AJAP1: variants seen among roughly 807,000 people sequenced by gnomAD.
The protein encoded by AJAP1 is adherens junctions associated protein 1.
A neutral mutation model predicts 35.0 loss-of-function variants in AJAP1; 5 were observed. That is an observed-to-expected ratio of 0.14 (90% CI 0.07 to 0.30). The LOEUF is 0.30. Ranked by LOEUF, AJAP1 falls within the 10% of genes least tolerant of loss-of-function variation. The pLI is 1.00. For synonymous variants in AJAP1, 284 were observed against 249.3 expected (o/e 1.14, Z -1.31); for missense variants, 586 against 571.0 (o/e 1.03, Z -0.27).
intron 1 of AJAP1, among the ~76,000 whole-genome samples, chr1:4,680,459 C>A (rs747795043): frequency 5.9e-5 from 9 of 152,180 alleles, no homozygotes; most frequent in Non-Finnish European, 1.2e-4. Context: ...GGACACAATT[C>A]CACCCAGTTA....
chr1:4,765,753 T>A (rs1476255106), intron 2 of AJAP1, among the ~76,000 whole-genome samples: 1 of 152,210 alleles, frequency 6.6e-6, no homozygotes, highest in Non-Finnish European at 1.5e-5. Context: ...TGAGTTTTGA[T>A]TTCCAAAAAT....
At chr1:4,759,807 G>T (rs571249492) in intron 2 of AJAP1, among the ~76,000 whole-genome samples, 1 of 152,254 alleles carries the variant, frequency 6.6e-6, no homozygotes, top group South Asian at 2.1e-4. Flanking sequence ...AGTGGGTGCG[G>T]TGGTGCTGGT....
At chr1:4,747,333 C>T (rs138312805) in intron 2 of AJAP1, among the ~76,000 whole-genome samples, 1 of 152,228 alleles carries the variant, frequency 6.6e-6, no homozygotes, top group South Asian at 2.1e-4. Context: ...GCCATCCCCC[C>T]TCTCCACCTC....
chr1:4,772,488 A>T lies in AJAP1; in HGVS notation c.1126A>T (p.Thr376Ser), dbSNP rs368367088. The change falls in exon 4 of 6, where the codon ACG (threonine) becomes TCG (serine). Residue 376 changes from threonine (T) to serine (S), a missense_variant. Physicochemically the swap from Thr to Ser is moderately conservative, Grantham distance 58. Transcript: ENST00000378191. ...PVYTDETLHSTTGEYKSTFNG... is the reference protein window; with the variant it reads ...PVYTDETLHSSTGEYKSTFNG... Reference sequence around the variant, plus strand: ...GTACACCGATGAGACGCTGCACTCGACGACGGGGGAGTACAAATCCACATT... The same window carrying T: ...GTACACCGATGAGACGCTGCACTCGTCGACGGGGGAGTACAAATCCACATT... The T allele has an allele frequency of 3.1e-6, 5 of 1,614,200 alleles. No individual in the cohort carries two copies. Among genetic ancestry groups the T allele is most frequent in the East Asian group, 4.5e-5 (2 of 44,882 alleles).
At position 4,692,228 on chromosome 1, in the gene AJAP1, TGCTGCCTCCCGCC is replaced by T. The variant is rs1386048739; in HGVS notation, c.30-19658_30-19646del. ...CTCACTGTGCCAGGCAGGCTCCTGC[TGCTGCCTCCCGCC>T]GCTGCCTCCCGCCACCAGGACAGGG... On this transcript the variant is annotated intron_variant, in intron 1 of 5. Coordinates refer to ENST00000378191, the MANE Select transcript of AJAP1 (RefSeq NM_018836.4). The surrounding 1 kb of genome is among the most constrained non-coding windows in gnomAD (Gnocchi z 4.4). 3.3e-5 allele frequency among the ~76,000 whole-genome samples: 5 copies of T among 152,126 alleles called. No homozygotes were observed. The highest frequency in any genetic ancestry group is 6.5e-5 in the Admixed American group (1 of 15,280).
rs535244253 is a variant in AJAP1 at position 4,783,114 on chromosome 1, G to A, written c.*629G>A. On this transcript the variant is annotated 3_prime_UTR_variant, in exon 6 of 6. Transcript: ENST00000378191. ...GTTCCTTTTTAAAAAAAAGAATTGT[G>A]TTATAGGTTACAAAATCTGATTTAT... The A allele has an allele frequency of 3.1e-6, 1 of 326,394 alleles. No homozygotes were observed. Among genetic ancestry groups the A allele is most frequent in the East Asian group, 4.7e-5 (1 of 21,428 alleles). 20.2% of individuals were successfully genotyped at this position (326,394 alleles called of 1,614,324 possible).
intron 1 of AJAP1, among the ~76,000 whole-genome samples, chr1:4,705,995 T>A (rs1640092502): frequency 6.6e-6 from 1 of 152,204 alleles, no homozygotes; most frequent in Non-Finnish European, 1.5e-5. Flanking sequence ...TCCCAGCAAC[T>A]CTCTGGGCTC....
chr1:4,661,841 G>A (rs777818141), intron 1 of AJAP1, among the ~76,000 whole-genome samples: 13 of 152,158 alleles, frequency 8.5e-5, no homozygotes, highest in Admixed American at 2.0e-4. Context: ...TTAATGAAAC[G>A]TCATGGGGAG....
At chr1:4,781,441 C>T (rs1642061467) in intron 5 of AJAP1, among the ~76,000 whole-genome samples, 1 of 152,180 alleles carries the variant, frequency 6.6e-6, no homozygotes. Context: ...TGCTAAGCTC[C>T]AACGATGACG....
intron 3 of AJAP1, among the ~76,000 whole-genome samples, chr1:4,770,826 G>A (rs1415954881): frequency 6.6e-6 from 1 of 152,174 alleles, no homozygotes; most frequent in Non-Finnish European, 1.5e-5. Flanking sequence ...GAGGGTGGGG[G>A]TAGCACAGCC....
intron 1 of AJAP1, among the ~76,000 whole-genome samples, chr1:4,709,624 G>A (rs1640181109): frequency 3.3e-5 from 5 of 152,188 alleles, no homozygotes. Flanking sequence ...TGGGTCACCT[G>A]CAGCCACAGA....
In AJAP1 at chr1:4,712,575, G is replaced by A. The variant is rs763716750; in HGVS notation, c.705G>A (p.Gly235=). 3 of 1,610,062 alleles carry A rather than the reference G, an allele frequency of 1.9e-6. No individual in the cohort carries two copies. The highest frequency in any genetic ancestry group is 2.7e-5 in the African/African-American group (2 of 74,858). ...CCCCCATGACGCTGCAGACTAAGGG[G>A]TTCACCGAGTCCTTGGATCCCCGGA... ...TATPMTLQTK[G]FTESLDPRRR... Residue 235 remains glycine, a synonymous_variant, in exon 2 of 6, where the codon GGG becomes GGA. Coordinates refer to ENST00000378191, the MANE Select transcript of AJAP1 (RefSeq NM_018836.4).
rs1478263955 is a variant in AJAP1 at position 4,690,132 on chromosome 1, C to T, written c.30-21768C>T. On this transcript the variant is annotated intron_variant, in intron 1 of 5. Coordinates refer to ENST00000378191, the MANE Select transcript of AJAP1 (RefSeq NM_018836.4). The stretch of plus-strand genomic sequence containing the variant: ...TGGAGGGGTAGTGTGGAGCATGGGG[C>T]GACACCAGTGCCCAGGGCCAGGAAA... 5.3e-5 allele frequency among the ~76,000 whole-genome samples: 8 copies of T among 152,224 alleles called. No homozygotes were observed. In the Middle Eastern group the frequency reaches 0.01, roughly 194 times the overall value.
At position 4,787,781 on chromosome 1, in the gene AJAP1, C is replaced by T. The variant is rs1047338607; in HGVS notation, c.*5296C>T. The T allele has an allele frequency of 4.4e-6, 2 of 454,422 alleles. No individual in the cohort carries two copies. Among genetic ancestry groups the T allele is most frequent in the African/African-American group, 2.0e-5 (1 of 50,002 alleles). The allele number at this position is 454,422 out of a possible 1,614,324, so 28.1% of individuals were successfully genotyped here. ...GGGGGTTCAACGTCAGCGACTTGGC[C>T]CACGGGGCACGGGCACCTTGGGGAT... On this transcript the variant is annotated 3_prime_UTR_variant, in exon 6 of 6. Coordinates refer to ENST00000378191, the MANE Select transcript of AJAP1 (RefSeq NM_018836.4).
At chr1:4,701,077 G>A (rs1033968648) in intron 1 of AJAP1, among the ~76,000 whole-genome samples, 21 of 152,210 alleles carry the variant, frequency 1.4e-4, no homozygotes, top group African/African-American at 3.6e-4. Flanking sequence ...CAACCAGAAC[G>A]CCAGCGCCGT....
At chr1:4,765,765 A>T (rs957789674) in intron 2 of AJAP1, among the ~76,000 whole-genome samples, 2 of 152,250 alleles carry the variant, frequency 1.3e-5, no homozygotes, top group African/African-American at 4.8e-5. Flanking sequence ...TCCAAAAATC[A>T]AAAATCCTGT....
At chr1:4,657,816 CTT>C (rs58922730) in intron 1 of AJAP1, among the ~76,000 whole-genome samples, 6 of 147,090 alleles carry the variant, frequency 4.1e-5, no homozygotes, top group African/African-American at 1.5e-4. Context: ...GTATGTGGAG[CTT>C]TTTTTTTTTC....
chr1:4,758,943 C>G (rs920206102), intron 2 of AJAP1, among the ~76,000 whole-genome samples: 7 of 152,212 alleles, frequency 4.6e-5, no homozygotes, highest in Non-Finnish European at 2.9e-5. Context: ...TACAGGCTTT[C>G]TGTGCACTCT....
In AJAP1 at chr1:4,790,823, C is replaced by T. The variant is rs1353380720; in HGVS notation, c.*8338C>T. The T allele has an allele frequency of 6.6e-6, 1 of 152,230 alleles. No individual in the cohort carries two copies. Among genetic ancestry groups the T allele is most frequent in the Admixed American group, 6.5e-5 (1 of 15,290 alleles). 9.4% of individuals were successfully genotyped at this position (152,230 alleles called of 1,614,324 possible). A position where few individuals can be genotyped will look rare whatever the true frequency, so the allele number is the denominator to read the frequency against. Reference sequence around the variant, plus strand: ...AAGTCCACATCAGTTTCTGCTCCTTCAAACAGTGTGTCGATATGAAACATT... The same window carrying T: ...AAGTCCACATCAGTTTCTGCTCCTTTAAACAGTGTGTCGATATGAAACATT... On this transcript the variant is annotated 3_prime_UTR_variant, in exon 6 of 6. Transcript: ENST00000378191.
Sources: allele counts gnomAD v4.1 joint callset (sites outside exome capture counted in the v4.1 genomes callset), GRCh38; gene constraint gnomAD v4.1.1; non-coding constraint Gnocchi (gnomAD v3.1); transcripts MANE v1.5; gene names NCBI Gene and HGNC (gene_info 2026-07-23, HGNC 2026-07-21).